FREM2: variants seen among roughly 807,000 people sequenced by gnomAD.
FREM2 encodes FRAS1 related extracellular matrix 2, also known as FRAS1-related extracellular matrix protein 2.
A neutral mutation model predicts 219.9 loss-of-function variants in FREM2; 119 were observed. That is an observed-to-expected ratio of 0.54 (90% confidence interval 0.47 to 0.63). The LOEUF (loss-of-function observed/expected upper bound fraction) is 0.63. Ranked by LOEUF, FREM2 falls within the 30% of genes least tolerant of loss-of-function variation. The pLI, the probability that FREM2 is intolerant of heterozygous loss-of-function variation, is 0.00. For synonymous variants in FREM2, 1,562 were observed against 1,522.8 expected (o/e 1.03, Z -0.60); for missense variants, 4,030 against 3,993.6 (o/e 1.01, Z -0.25).
At position 38,692,415 on chromosome 13, in the gene FREM2, A is replaced by T; in HGVS notation, c.5071A>T (p.Ser1691Cys). ...SKILKVEDRDSLHISLRFIVT... is the reference protein window; with the variant it reads ...SKILKVEDRDCLHISLRFIVT... ...AATATTGAAAGTGGAGGACAGAGAC[A>T]GCTTACACATTTCTCTTAGATTTAT... Residue 1691 changes from serine to cysteine, a missense_variant, in exon 1 of 24, where the codon AGC becomes TGC. By Grantham distance (112) the Ser-to-Cys change is moderately radical (BLOSUM62 -1). This residue lies in a region of FREM2 where 3,102 missense variants were observed against 2,950.7 expected (regional missense o/e 1.05). Coordinates refer to ENST00000280481, the MANE Select transcript of FREM2 (RefSeq NM_207361.6). 11 of 1,613,310 alleles carry T rather than the reference A, an allele frequency of 6.8e-6. No homozygotes were observed. The highest frequency in any genetic ancestry group is 9.3e-6 in the Non-Finnish European group (11 of 1,179,552).
At chr13:38,782,449 G>A (rs924321310) in intron 4 of FREM2, among the ~76,000 whole-genome samples, 36 of 152,210 alleles carry the variant, frequency 2.4e-4, no homozygotes, top group African/African-American at 8.4e-4. Context: ...AGGGAGCCAC[G>A]GAAATATTCC....
chr13:38,875,582 C>G (rs1047083464), intron 18 of FREM2, among the ~76,000 whole-genome samples: 7 of 152,212 alleles, frequency 4.6e-5, no homozygotes, highest in African/African-American at 1.7e-4. Flanking sequence ...AAATCAGACT[C>G]CATTCATAAA....
intron 20 of FREM2, 75 bp downstream of exon 20, chr13:38,876,457 A>AT: frequency 1.5e-6 from 2 of 1,314,430 alleles, no homozygotes; most frequent in South Asian, 2.4e-5. Flanking sequence ...AAAAAAAAAA[A>AT]AAATCCACAC....
At chr13:38,835,977 A>C (rs559963967) in intron 6 of FREM2, among the ~76,000 whole-genome samples, 1 of 152,160 alleles carries the variant, frequency 6.6e-6, no homozygotes, top group Admixed American at 6.5e-5. Flanking sequence ...TTCCAATACT[A>C]TGTTGTATAG....
rs78870653 is a variant in FREM2, at chr13:38,846,680, G to A, written c.6127G>A (p.Val2043Ile). 3.2e-5 allele frequency: 52 copies of A among 1,613,840 alleles called. No individual in the cohort carries two copies. In the African/African-American group the frequency reaches 6.8e-4, roughly 21 times the overall value. ...CACTGACCTGTCCAAGTCTTCTAGT[G>A]TCACAGTGAGGTCTCGGAAAACAGA... ...TGTDLSKSSS[V>I]TVRSRKTDPP... The change falls in exon 7 of 24, where the codon GTC (valine) becomes ATC (isoleucine). Residue 2043 changes from valine (V) to isoleucine (I), a missense_variant. Around this residue, in one of 2 missense-constraint regions of FREM2, gnomAD observed 3,102 missense variants for 2,950.7 expected, o/e 1.05. Coordinates refer to ENST00000280481, the MANE Select transcript of FREM2 (RefSeq NM_207361.6).
At chr13:38,878,043 T>C (rs1878402788) in intron 21 of FREM2, 91 bp from the exon 22 acceptor site, 1 of 1,094,026 alleles carries the variant, frequency 9.1e-7, no homozygotes, top group African/African-American at 1.5e-5. Flanking sequence ...GGAAATAATC[T>C]CTGTGTCCTC....
At chr13:38,758,220 A>G (rs962979256) in intron 2 of FREM2, among the ~76,000 whole-genome samples, 1 of 152,226 alleles carries the variant, frequency 6.6e-6, no homozygotes, top group African/African-American at 2.4e-5. Flanking sequence ...TTAAATATTT[A>G]GTAAATGTCC....
chr13:38,855,821 A>G (rs917882528), intron 11 of FREM2, among the ~76,000 whole-genome samples: 1 of 152,052 alleles, frequency 6.6e-6, no homozygotes, highest in African/African-American at 2.4e-5. Context: ...CTCAGAAATC[A>G]CCACTCAAGA....
At chr13:38,847,306 C>T (rs78133122) in intron 7 of FREM2, among the ~76,000 whole-genome samples, 22 of 120,658 alleles carry the variant, frequency 1.8e-4, no homozygotes, top group African/African-American at 1.2e-3. Flanking sequence ...CCTTTTTTTT[C>T]TAAATGACCA....
chr13:38,798,875 T>C (rs1874897834), intron 6 of FREM2, among the ~76,000 whole-genome samples: 1 of 151,974 alleles, frequency 6.6e-6, no homozygotes, highest in Non-Finnish European at 1.5e-5. Flanking sequence ...TTGGTTAGTA[T>C]ATCTAGAGGT....
intron 2 of FREM2, among the ~76,000 whole-genome samples, chr13:38,719,740 A>G (rs990283660): frequency 6.6e-6 from 1 of 152,108 alleles, no homozygotes; most frequent in Non-Finnish European, 1.5e-5. Flanking sequence ...GAACATGTAC[A>G]TTTTGGGGGA....
chr13:38,867,685 G>C (rs1593454466), intron 16 of FREM2, among the ~76,000 whole-genome samples: 1 of 152,212 alleles, frequency 6.6e-6, no homozygotes, highest in East Asian at 1.9e-4. Context: ...TGAGAACCCA[G>C]GTTAAGTCCC....
At chr13:38,693,179 T>A (rs1279141829) in intron 1 of FREM2, among the ~76,000 whole-genome samples, 1 of 152,192 alleles carries the variant, frequency 6.6e-6, no homozygotes, top group Non-Finnish European at 1.5e-5. Flanking sequence ...GGCATGCTAC[T>A]AGGATATACA....
intron 6 of FREM2, among the ~76,000 whole-genome samples, chr13:38,812,206 C>A (rs1238743303): frequency 6.6e-6 from 1 of 151,988 alleles, no homozygotes; most frequent in Non-Finnish European, 1.5e-5. Flanking sequence ...AAGTATGTTT[C>A]TTATAGTCAA....
intron 16 of FREM2, 83 bp from the exon 17 acceptor site, chr13:38,872,659 G>C: frequency 8.5e-7 from 1 of 1,174,784 alleles, no homozygotes; most frequent in Non-Finnish European, 1.3e-6. Flanking sequence ...TCAGTTAAGC[G>C]AAAAGAGAAA....
Position 38,718,749 on chromosome 13 carries a change from G to A in FREM2, c.5263+20962G>A, listed in dbSNP as rs370823309. Among the ~76,000 whole-genome samples, 143 of 152,216 alleles carry A rather than the reference G, an allele frequency of 9.4e-4. 1 individual carries two copies. The highest frequency in any genetic ancestry group is 3.4e-3 in the African/African-American group (142 of 41,510). ...ATTACATACCTCCAGTTTCGAATGT[G>A]GACATCATTGCAAGATTTATGGTGG... On this transcript the variant is annotated intron_variant, in intron 2 of 23. Coordinates refer to ENST00000280481, the MANE Select transcript of FREM2 (RefSeq NM_207361.6).
intron 6 of FREM2, among the ~76,000 whole-genome samples, chr13:38,803,638 G>A (rs1875106586): frequency 6.6e-6 from 1 of 151,420 alleles, no homozygotes; most frequent in South Asian, 2.1e-4. Context: ...TCTTAGGAAG[G>A]TAATTAAGGA....
At position 38,687,241 on chromosome 13, in the gene FREM2, C is replaced by A. The variant is rs1164973325; in HGVS notation, c.-104C>A. The A allele has an allele frequency of 1.3e-6, 2 of 1,482,176 alleles. No homozygotes were observed. The highest frequency in any genetic ancestry group is 1.7e-4 in the Middle Eastern group (1 of 5,834). The allele number at this position is 1,482,176 out of a possible 1,614,324, so 91.8% of individuals were successfully genotyped here. ...GGCTACAGGAGGACCCCGCGGGCAA[C>A]GCGCGGAGTTCCTGGCACTTCCCGG... On this transcript the variant is annotated 5_prime_UTR_variant, in exon 1 of 24. Coordinates refer to ENST00000280481, the MANE Select transcript of FREM2 (RefSeq NM_207361.6).
intron 6 of FREM2, among the ~76,000 whole-genome samples, chr13:38,838,919 G>A (rs572918123): frequency 8.6e-5 from 13 of 152,004 alleles, no homozygotes; most frequent in African/African-American, 2.9e-4. Context: ...CCTTTATCTC[G>A]GAGGAGTTTG....
Sources: gnomAD v4.1 joint callset for allele counts (sites outside exome capture counted in the v4.1 genomes callset) on GRCh38, gnomAD v4.1.1 for gene constraint, gnomAD v4.1.1 regional missense constraint, MANE v1.5 for transcripts, NCBI Gene and HGNC (gene_info 2026-07-23, HGNC 2026-07-21) for gene names.